CACNA2D4: variants seen among roughly 807,000 people sequenced by gnomAD.
CACNA2D4 encodes voltage-dependent calcium channel subunit alpha-2/delta-4.
CACNA2D4 carries 157 observed loss-of-function variants against 163.8 expected under a neutral mutation model. The ratio of observed to expected loss-of-function variants is 0.96; its 90% CI spans 0.84 to 1.09. The LOEUF (loss-of-function observed/expected upper bound fraction) is 1.09. Among genes scored for constraint, CACNA2D4 ranks in the 50% least tolerant of loss-of-function variants. CACNA2D4 has a pLI of 0.00. For synonymous variants in CACNA2D4, 598 were observed against 586.9 expected, an observed-to-expected ratio of 1.02 and a Z score of -0.27; for missense variants, 1,410 against 1,479.9, an observed-to-expected ratio of 0.95 and a Z score of 0.78.
intron 26 of CACNA2D4, among the ~76,000 whole-genome samples, chr12:1,814,687 G>T (rs79019277): frequency 5.3e-4 from 80 of 152,094 alleles, no homozygotes; most frequent in African/African-American, 1.8e-3. Flanking sequence ...AAATCTGTCC[G>T]CTTCCCTCCA....
rs751590950 is a variant in CACNA2D4, at chr12:1,795,392, C to T, written c.3227-11G>A. 3.6e-5 allele frequency: 58 copies of T among 1,608,016 alleles called. No individual in the cohort carries two copies. The highest frequency in any genetic ancestry group is 4.7e-5 in the Non-Finnish European group (56 of 1,179,084). On this transcript the variant is annotated splice_polypyrimidine_tract_variant and intron_variant, in intron 36 of 37. Coordinates refer to ENST00000382722, the MANE Select transcript of CACNA2D4 (RefSeq NM_172364.5). ...TGACAGAGGCATTATGTGCAGAAGC[C>T]ACTGTTAAGGTCAATATCTCAGGAC...
chr12:1,856,074 C>T lies in CACNA2D4; in HGVS notation c.2090G>A (p.Arg697Gln), dbSNP rs577055633. The change falls in exon 22 of 38, where the codon CGG (arginine) becomes CAG (glutamine). Residue 697 changes from arginine to glutamine, a missense_variant. By Grantham distance (43) the Arg-to-Gln change is conservative (BLOSUM62 1). Coordinates refer to ENST00000382722, the MANE Select transcript of CACNA2D4 (RefSeq NM_172364.5). ...CATGGCCTCTAGCTGGCTGAGCTTC[C>T]GGTGGTCTGGGTCAATATCTGTGAT... ...YCITDIDPDH[R>Q]KLSQLEAMIR... 2.7e-5 allele frequency: 44 copies of T among 1,614,024 alleles called. No homozygotes were observed. The highest frequency in any genetic ancestry group is 1.6e-4 in the Middle Eastern group (1 of 6,062).
chr12:1,878,355 T>C lies in CACNA2D4; in HGVS notation c.1679A>G (p.Asn560Ser). 1 of 1,609,342 alleles carries C rather than the reference T, an allele frequency of 6.2e-7. No individual in the cohort carries two copies. The highest frequency in any genetic ancestry group is 8.5e-7 in the Non-Finnish European group (1 of 1,178,124). Residue 560 changes from asparagine (N) to serine (S), a missense_variant, in exon 16 of 38, where the codon AAC becomes AGC. Transcript: ENST00000382722. The surrounding 1 kb of genome is among the most constrained non-coding windows in gnomAD (Gnocchi z 4.6). The stretch of plus-strand genomic sequence containing the variant: ...GGGATGGGAGAGGATGTAGCCATTG[T>C]TGGTGTTCAGAAAGGCGTATCCGTG... Reference protein sequence around the residue: ...GVHGYAFLNTNNGYILSHPDL... With the variant: ...GVHGYAFLNTSNGYILSHPDL...
Position 1,879,035 on chromosome 12 carries a change from C to T in CACNA2D4, c.1565G>A (p.Arg522Gln), listed in dbSNP as rs746971613. ...MPVFSKKNET[R>Q]SHGILLGVVG... ...CACACCCAGGAGAATGCCATGGGAT[C>T]GCTGGAAGGAAAGACACAAGGGGTG... is the stretch of plus-strand genomic sequence containing the variant. Residue 522 changes from arginine to glutamine, a missense_variant and splice_region_variant, in exon 15 of 38, where the codon CGA (arginine) becomes CAA (glutamine). Coordinates refer to ENST00000382722, the MANE Select transcript of CACNA2D4 (RefSeq NM_172364.5). 4 of 1,613,546 alleles carry T rather than the reference C, an allele frequency of 2.5e-6. No homozygotes were observed. The highest frequency in any genetic ancestry group is 2.2e-5 in the South Asian group (2 of 91,066).
rs1380680730 is a variant in CACNA2D4, at chr12:1,833,895, T to C, written c.2551+6844A>G. 1.3e-5 allele frequency among the ~76,000 whole-genome samples: 2 copies of C among 152,176 alleles called. No homozygotes were observed. The highest frequency in any genetic ancestry group is 4.8e-5 in the African/African-American group (2 of 41,446). On this transcript the variant is annotated intron_variant, in intron 26 of 37. Coordinates refer to ENST00000382722, the MANE Select transcript of CACNA2D4 (RefSeq NM_172364.5). This position sits in a 1 kb window ranked among gnomAD's most constrained non-coding sequence, Gnocchi z 4.2. Reference sequence around the variant, plus strand: ...GTGGCAGGGACGCTCAGCTCTCTAATGACAGCCCTTTCCTGGGAACCTCCC... The same window carrying C: ...GTGGCAGGGACGCTCAGCTCTCTAACGACAGCCCTTTCCTGGGAACCTCCC...
chr12:1,882,998 A>G lies in CACNA2D4; in HGVS notation c.1354T>C (p.Tyr452His). 1.2e-6 allele frequency: 2 copies of G among 1,612,530 alleles called. No individual in the cohort carries two copies. Among genetic ancestry groups the G allele is most frequent in the Admixed American group, 1.7e-5 (1 of 59,838 alleles). The change falls in exon 13 of 38, where the codon TAC (tyrosine) becomes CAC (histidine). Residue 452 changes from tyrosine (Y) to histidine (H), a missense_variant and splice_region_variant. By Grantham distance (83) the Tyr-to-His change is moderately conservative (BLOSUM62 2). Coordinates refer to ENST00000382722, the MANE Select transcript of CACNA2D4 (RefSeq NM_172364.5). Reference protein sequence around the residue: ...MKWIACNNKGYYTQISTLADT... With the variant: ...MKWIACNNKGHYTQISTLADT... ...GCCAGCGTTGAGATCTGCGTGTAGTAGCCTGCGGTGGGGAAGGCCGCGTGG... is the reference window on the plus strand; with the variant it reads ...GCCAGCGTTGAGATCTGCGTGTAGTGGCCTGCGGTGGGGAAGGCCGCGTGG...
At chr12:1,819,125 G>A (rs1473851266) in intron 26 of CACNA2D4, among the ~76,000 whole-genome samples, 1 of 152,206 alleles carries the variant, frequency 6.6e-6, no homozygotes, top group Non-Finnish European at 1.5e-5. Context: ...TGGTGTTCCG[G>A]GGAAACGTCA....
intron 26 of CACNA2D4, among the ~76,000 whole-genome samples, chr12:1,816,532 C>G (rs1445273355): frequency 1.3e-5 from 2 of 152,208 alleles, no homozygotes; most frequent in African/African-American, 4.8e-5. Context: ...TCCCTCTCTG[C>G]CCTGCCTCTC....
At position 1,869,634 on chromosome 12, in the gene CACNA2D4, A is replaced by C. The variant is rs1278878590; in HGVS notation, c.1878+4970T>G. The stretch of plus-strand genomic sequence containing the variant: ...CCAACTGCTGGTCATGCTGACCTAC[A>C]ATGACTTCAAGCTCACCATTGGATG... On this transcript the variant is annotated intron_variant, in intron 18 of 37. Transcript: ENST00000382722. This position sits in a 1 kb window ranked among gnomAD's most constrained non-coding sequence, Gnocchi z 4.7. 6.6e-6 allele frequency among the ~76,000 whole-genome samples: 1 copy of C among 152,180 alleles called. No individual in the cohort carries two copies. Among genetic ancestry groups the C allele is most frequent in the East Asian group, 1.9e-4 (1 of 5,198 alleles).
chr12:1,870,200 C>G, intron 18 of CACNA2D4, among the ~76,000 whole-genome samples: 1 of 152,168 alleles, frequency 6.6e-6, no homozygotes, highest in Non-Finnish European at 1.5e-5. Flanking sequence ...GTCCCTACTA[C>G]ACGTGCAAAA....
chr12:1,835,422 TAC>T (rs137889817), intron 26 of CACNA2D4: 53 of 150,462 alleles, frequency 3.5e-4, no homozygotes, highest in South Asian at 1.1e-3. Context: ...AAAGAATTAA[TAC>T]ACACACACAC....
chr12:1,830,901 T>A, intron 26 of CACNA2D4: 1 of 1,547,406 alleles, frequency 6.5e-7, no homozygotes, highest in Non-Finnish European at 8.8e-7. Flanking sequence ...CCCGTCCTAT[T>A]GCTTTCTTTC....
At chr12:1,895,292 A>C (rs1467079226) in intron 6 of CACNA2D4, among the ~76,000 whole-genome samples, 2 of 152,220 alleles carry the variant, frequency 1.3e-5, no homozygotes, top group Non-Finnish European at 2.9e-5. Flanking sequence ...TAAAATGACC[A>C]TACTGCCCAA....
chr12:1,828,103 C>T lies in CACNA2D4; in HGVS notation c.2551+12636G>A. The T allele has an allele frequency of 1.4e-6, 2 of 1,476,510 alleles. No individual in the cohort carries two copies. Among genetic ancestry groups the T allele is most frequent in the Non-Finnish European group, 1.8e-6 (2 of 1,109,432 alleles). The allele number at this position is 1,476,510 out of a possible 1,614,324, so 91.5% of individuals were successfully genotyped here. ...CTGACAGGCGGCGCACCCAGGGGCT[C>T]CTCTCTCCCCAGAGCGACAGGGCCC... is the stretch of plus-strand genomic sequence containing the variant. On this transcript the variant is annotated intron_variant, in intron 26 of 37. Transcript: ENST00000382722. The surrounding 1 kb of genome is among the most constrained non-coding windows in gnomAD (Gnocchi z 4.2).
chr12:1,915,256 C>T (rs763982143), intron 1 of CACNA2D4: 2 of 702,620 alleles, frequency 2.8e-6, no homozygotes, highest in Admixed American at 2.0e-5. Context: ...GGAGAACCCT[C>T]AGGACCCAGC....
chr12:1,826,892 T>C (rs1409064099), intron 26 of CACNA2D4, among the ~76,000 whole-genome samples: 2 of 152,202 alleles, frequency 1.3e-5, no homozygotes, highest in Non-Finnish European at 2.9e-5. Flanking sequence ...GCACTGAAGC[T>C]TCTCGGCAGC....
intron 1 of CACNA2D4, 183 bp downstream of exon 1, chr12:1,918,064 A>G: frequency 1.7e-6 from 1 of 580,996 alleles, no homozygotes; most frequent in African/African-American, 1.9e-5. Context: ...TTTTGGGAGG[A>G]GAAAGAGGAG....
chr12:1,877,499 A>G (rs546477581), intron 16 of CACNA2D4, among the ~76,000 whole-genome samples: 1 of 152,292 alleles, frequency 6.6e-6, no homozygotes, highest in Admixed American at 6.5e-5. Context: ...TTTGCCTTAA[A>G]TAGTTAATCA....
At position 1,792,444 on chromosome 12, in the gene CACNA2D4, T is replaced by C. The variant is rs1387025313; in HGVS notation, c.*1211A>G. ...TTTGAAGTGTGGAGGCTGAGGGTGATGGAGGAGCGGGGGGAAGCGCCCCAA... is the reference window on the plus strand; with the variant it reads ...TTTGAAGTGTGGAGGCTGAGGGTGACGGAGGAGCGGGGGGAAGCGCCCCAA... On this transcript the variant is annotated 3_prime_UTR_variant, in exon 38 of 38. Coordinates refer to ENST00000382722, the MANE Select transcript of CACNA2D4 (RefSeq NM_172364.5). 1 of 121,634 alleles carries C rather than the reference T, an allele frequency of 8.2e-6. No homozygotes were observed. Among genetic ancestry groups the C allele is most frequent in the Non-Finnish European group, 2.1e-5 (1 of 48,538 alleles). 7.5% of individuals were successfully genotyped at this position (121,634 alleles called of 1,614,324 possible).
Sources: allele counts gnomAD v4.1 joint callset (sites outside exome capture counted in the v4.1 genomes callset), GRCh38; gene constraint gnomAD v4.1.1; non-coding constraint Gnocchi (gnomAD v3.1); transcripts MANE v1.5; gene names NCBI Gene and HGNC (gene_info 2026-07-23, HGNC 2026-07-21).